Variants in AGAP1 observed in about 807,000 individuals in gnomAD.
AGAP1 encodes the protein ArfGAP with GTPase domain, ankyrin repeat and PH domain 1.
In AGAP1, 29 loss-of-function variants were observed where a neutral mutation model predicts 105.3. The observed-to-expected ratio is 0.28, with a 90% CI of 0.21 to 0.38. The LOEUF (loss-of-function observed/expected upper bound fraction) is 0.38, where lower values mean the gene tolerates loss of function less well. Among genes scored for constraint, AGAP1 ranks in the 10% least tolerant of loss-of-function variants. AGAP1 has a pLI of 1.00. For synonymous variants in AGAP1, 509 were observed against 485.9 expected, an observed-to-expected ratio of 1.05 and a Z score of -0.63; for missense variants, 998 against 1,165.1, an observed-to-expected ratio of 0.86 and a Z score of 2.09.
chr2:235,537,259 G>A (rs997988019), intron 1 of AGAP1, among the ~76,000 whole-genome samples: 4 of 152,228 alleles, frequency 2.6e-5, no homozygotes, highest in African/African-American at 9.6e-5. Flanking sequence ...CACCTCGGGA[G>A]CCTGGCCGGG....
chr2:235,760,629 A>G (rs2149780499), intron 6 of AGAP1, among the ~76,000 whole-genome samples: 1 of 152,344 alleles, frequency 6.6e-6, no homozygotes, highest in African/African-American at 2.4e-5. Context: ...TCTGTCACAC[A>G]GGCTGGAGTA....
In AGAP1 at chr2:236,114,376, T is replaced by A. The variant is rs574292234; in HGVS notation, c.2115-5816T>A. Among the ~76,000 whole-genome samples, 14 of 152,392 alleles carry A rather than the reference T, an allele frequency of 9.2e-5. 1 individual carries two copies. The East Asian group carries it at 2.5e-3, about 27-fold the overall frequency. The stretch of plus-strand genomic sequence containing the variant: ...TAGTCTCATCGAGAAGAAGCCATTG[T>A]CAGCGTGTCCCTTGGTCATATGTGA... On this transcript the variant is annotated intron_variant, in intron 16 of 17. Coordinates refer to ENST00000304032, the MANE Select transcript of AGAP1 (RefSeq NM_001037131.3). This position sits in a 1 kb window ranked among gnomAD's most constrained non-coding sequence, Gnocchi z 5.0.
Position 235,715,558 on chromosome 2 carries a change from G to A in AGAP1, c.223-1999G>A, listed in dbSNP as rs568444771. ...GCCTGTTAGCTGCCAGCAAAGTTGTGTGCGAGGATTTGGAAGGAGACAGTT... is the reference window on the plus strand; with the variant it reads ...GCCTGTTAGCTGCCAGCAAAGTTGTATGCGAGGATTTGGAAGGAGACAGTT... On this transcript the variant is annotated intron_variant, in intron 2 of 17. Transcript: ENST00000304032. Among the ~76,000 whole-genome samples, 226 of 152,310 alleles carry A rather than the reference G, an allele frequency of 1.5e-3. 1 individual carries two copies. The highest frequency in any genetic ancestry group is 4.8e-3 in the African/African-American group (199 of 41,572).
Position 235,621,709 on chromosome 2 carries a change from T to G in AGAP1, c.164-87470T>G, listed in dbSNP as rs1356728700. 6.6e-6 allele frequency among the ~76,000 whole-genome samples: 1 copy of G among 152,212 alleles called. No homozygotes were observed. The highest frequency in any genetic ancestry group is 2.4e-5 in the African/African-American group (1 of 41,460). On this transcript the variant is annotated intron_variant, in intron 1 of 17. Coordinates refer to ENST00000304032, the MANE Select transcript of AGAP1 (RefSeq NM_001037131.3). This position sits in a 1 kb window ranked among gnomAD's most constrained non-coding sequence, Gnocchi z 4.1. ...TTCATGCATTGGAACTTGGAGTGCC[T>G]GCTCTCTGCCCTGGGTTTATGTCCT...
In AGAP1 at chr2:236,040,741, C is replaced by T; in HGVS notation, c.1801-10C>T. The T allele has an allele frequency of 6.2e-7, 1 of 1,612,842 alleles. No homozygotes were observed. The highest frequency in any genetic ancestry group is 8.5e-7 in the Non-Finnish European group (1 of 1,180,006). On this transcript the variant is annotated splice_polypyrimidine_tract_variant and intron_variant, in intron 14 of 17. Transcript: ENST00000304032. The surrounding 1 kb of genome is among the most constrained non-coding windows in gnomAD (Gnocchi z 5.6). The stretch of plus-strand genomic sequence containing the variant: ...TTACGCCTTGTATTTGTGTCTTCCT[C>T]CGTGCCCAGTCCCGGCTGACGAGCC...
intron 9 of AGAP1, among the ~76,000 whole-genome samples, chr2:235,858,913 G>A (rs1214186721): frequency 6.6e-6 from 1 of 152,168 alleles, no homozygotes; most frequent in East Asian, 1.9e-4. Context: ...TTTTCAATTA[G>A]TTTTCATCTA....
chr2:235,602,522 G>A (rs1945763726), intron 1 of AGAP1, among the ~76,000 whole-genome samples: 1 of 152,110 alleles, frequency 6.6e-6, no homozygotes, highest in Admixed American at 6.5e-5. Flanking sequence ...CAGCCCCAGG[G>A]CCTTTGCATT....
Position 236,005,256 on chromosome 2 carries a change from G to T in AGAP1, c.1646-31305G>T, listed in dbSNP as rs868646219. Among the ~76,000 whole-genome samples, 1 of 151,910 alleles carries T rather than the reference G, an allele frequency of 6.6e-6. No homozygotes were observed. Among genetic ancestry groups the T allele is most frequent in the African/African-American group, 2.4e-5 (1 of 41,342 alleles). ...CGCCTCCCAGACTCAAGCGATTCTT[G>T]CCCCTCAGCCTCCCAAATAGCTGGG... On this transcript the variant is annotated intron_variant, in intron 13 of 17. Coordinates refer to ENST00000304032, the MANE Select transcript of AGAP1 (RefSeq NM_001037131.3). This position sits in a 1 kb window ranked among gnomAD's most constrained non-coding sequence, Gnocchi z 4.1.
In AGAP1 at chr2:235,976,623, G is replaced by T. The variant is rs80276106; in HGVS notation, c.1645+8000G>T. On this transcript the variant is annotated intron_variant, in intron 13 of 17. Transcript: ENST00000304032. The surrounding 1 kb of genome is among the most constrained non-coding windows in gnomAD (Gnocchi z 4.5). ...AATGTTCATTGAGCACCTACTGCACGCAAGAGTTTTGTCTGATGCTGGATG... is the reference window on the plus strand; with the variant it reads ...AATGTTCATTGAGCACCTACTGCACTCAAGAGTTTTGTCTGATGCTGGATG... Among the ~76,000 whole-genome samples, 371 of 152,296 alleles carry T rather than the reference G, an allele frequency of 2.4e-3. 1 individual carries two copies. The highest frequency in any genetic ancestry group is 0.01 in the Middle Eastern group (3 of 292).
intron 3 of AGAP1, among the ~76,000 whole-genome samples, chr2:235,727,528 C>T (rs1172751687): frequency 6.6e-6 from 1 of 152,230 alleles, no homozygotes; most frequent in Non-Finnish European, 1.5e-5. Flanking sequence ...CTGTGGACCT[C>T]TGACATTTTC....
rs1014063174 is a variant in AGAP1, at chr2:235,559,350, T to C, written c.163+64501T>C. Among the ~76,000 whole-genome samples the C allele has an allele frequency of 6.6e-6, 1 of 152,226 alleles. No homozygotes were observed. The highest frequency in any genetic ancestry group is 1.5e-5 in the Non-Finnish European group (1 of 68,048). On this transcript the variant is annotated intron_variant, in intron 1 of 17. Transcript: ENST00000304032. The surrounding 1 kb of genome is among the most constrained non-coding windows in gnomAD (Gnocchi z 5.7). ...CAAGCAAGTGCTGATGTTTTGTACT[T>C]GATCGGCTTCTCTGTGGCAAGCCAG... is the stretch of plus-strand genomic sequence containing the variant.
chr2:235,925,197 G>C (rs1020934383), intron 11 of AGAP1, among the ~76,000 whole-genome samples: 7 of 152,086 alleles, frequency 4.6e-5, no homozygotes, highest in African/African-American at 1.7e-4. Flanking sequence ...GGTGAATTAG[G>C]ACCACTTGTT....
intron 13 of AGAP1, among the ~76,000 whole-genome samples, chr2:236,008,605 A>G (rs1402139999): frequency 6.6e-6 from 1 of 152,190 alleles, no homozygotes; most frequent in Non-Finnish European, 1.5e-5. Flanking sequence ...TCTAGGCCAA[A>G]GGGAAAACCA....
rs1346452728 is a variant in AGAP1, at chr2:235,633,655, T to C, written c.164-75524T>C. Among the ~76,000 whole-genome samples, 1 of 152,182 alleles carries C rather than the reference T, an allele frequency of 6.6e-6. No homozygotes were observed. Among genetic ancestry groups the C allele is most frequent in the Non-Finnish European group, 1.5e-5 (1 of 68,034 alleles). On this transcript the variant is annotated intron_variant, in intron 1 of 17. Coordinates refer to ENST00000304032, the MANE Select transcript of AGAP1 (RefSeq NM_001037131.3). This position sits in a 1 kb window ranked among gnomAD's most constrained non-coding sequence, Gnocchi z 4.8. ...AGTGGGGAGACCTACAAGGCCTGTC[T>C]GTTCAGATTCCTCTTGGCCTCTGTG...
chr2:235,668,199 G>T (rs1948193306), intron 1 of AGAP1, among the ~76,000 whole-genome samples: 2 of 152,136 alleles, frequency 1.3e-5, no homozygotes, highest in African/African-American at 4.8e-5. Flanking sequence ...GATAAATAAA[G>T]TGAATCACCT....
chr2:235,863,821 G>A lies in AGAP1; in HGVS notation c.1051-19524G>A, dbSNP rs146360975. On this transcript the variant is annotated intron_variant, in intron 9 of 17. Coordinates refer to ENST00000304032, the MANE Select transcript of AGAP1 (RefSeq NM_001037131.3). Reference sequence around the variant, plus strand: ...CTGCAGCTGTGGATGAGACCTTCTAGGGGAAGAGTTAACTCGGAAAGAAAG... The same window carrying A: ...CTGCAGCTGTGGATGAGACCTTCTAAGGGAAGAGTTAACTCGGAAAGAAAG... Among the ~76,000 whole-genome samples the A allele has an allele frequency of 3.8e-3, 585 of 152,288 alleles. 2 individuals carry two copies. Among genetic ancestry groups the A allele is most frequent in the Middle Eastern group, 6.8e-3 (2 of 294 alleles).
chr2:236,088,234 A>C (rs2058978891), intron 16 of AGAP1, among the ~76,000 whole-genome samples: 1 of 152,174 alleles, frequency 6.6e-6, no homozygotes, highest in Non-Finnish European at 1.5e-5. Context: ...TTACTGAGAG[A>C]GGCCAGCGCT....
chr2:235,927,682 C>T lies in AGAP1; in HGVS notation c.1325-3083C>T, dbSNP rs2052520756. Among the ~76,000 whole-genome samples the T allele has an allele frequency of 6.6e-6, 1 of 152,172 alleles. No individual in the cohort carries two copies. The highest frequency in any genetic ancestry group is 2.4e-5 in the African/African-American group (1 of 41,430). ...CTTCTGGAGCTTTATTGCAAGTAGT[C>T]AGTGATGGATGCACTGAAATACTGT... On this transcript the variant is annotated intron_variant, in intron 11 of 17. Coordinates refer to ENST00000304032, the MANE Select transcript of AGAP1 (RefSeq NM_001037131.3). This position sits in a 1 kb window ranked among gnomAD's most constrained non-coding sequence, Gnocchi z 4.4.
intron 6 of AGAP1, among the ~76,000 whole-genome samples, chr2:235,764,157 T>C (rs1954715966): frequency 1.3e-5 from 2 of 152,232 alleles, no homozygotes; most frequent in South Asian, 4.1e-4. Flanking sequence ...GTAGGCGCTT[T>C]TATCGGCACA....
Sources: allele counts gnomAD v4.1 joint callset (sites outside exome capture counted in the v4.1 genomes callset), GRCh38; gene constraint gnomAD v4.1.1; non-coding constraint Gnocchi (gnomAD v3.1); transcripts MANE v1.5; gene names NCBI Gene and HGNC (gene_info 2026-07-23, HGNC 2026-07-21).